PCP4: variants seen among roughly 807,000 people sequenced by gnomAD.
PCP4 encodes the protein calmodulin regulator protein PCP4.
PCP4 carries 8 observed loss-of-function variants against 10.0 expected under a neutral mutation model. The observed-to-expected ratio is 0.80, with a 90% CI of 0.47 to 1.45. The LOEUF (loss-of-function observed/expected upper bound fraction) is 1.45, where lower values mean the gene tolerates loss of function less well. Ranked by LOEUF, PCP4 falls within the 40% of genes most tolerant of loss-of-function variation. The pLI is 0.00. For missense variants in PCP4, 54 were observed against 74.4 expected (o/e 0.73, Z 1.01); for synonymous variants, 21 against 23.0 (o/e 0.91, Z 0.24).
intron 2 of PCP4, among the ~76,000 whole-genome samples, chr21:39,912,750 T>A (rs1398504583): frequency 6.6e-6 from 1 of 152,130 alleles, no homozygotes; most frequent in Non-Finnish European, 1.5e-5. Context: ...TTGCTCTGTC[T>A]CCCAGGCTGG....
At chr21:39,895,413 T>C (rs969920034) in intron 1 of PCP4, among the ~76,000 whole-genome samples, 1 of 152,270 alleles carries the variant, frequency 6.6e-6, no homozygotes, top group Non-Finnish European at 1.5e-5. Context: ...GTGGTGTTAA[T>C]GAAGTCACAT....
chr21:39,918,564 G>T (rs1163303673), intron 2 of PCP4, among the ~76,000 whole-genome samples: 1 of 152,172 alleles, frequency 6.6e-6, no homozygotes, highest in Non-Finnish European at 1.5e-5. Context: ...ACCAAAGAAG[G>T]CACTAACTTG....
At chr21:39,915,403 G>T (rs1410096934) in intron 2 of PCP4, among the ~76,000 whole-genome samples, 1 of 152,122 alleles carries the variant, frequency 6.6e-6, no homozygotes, top group East Asian at 1.9e-4. Flanking sequence ...TTATCAACTT[G>T]AAATAAAATG....
At chr21:39,870,149 G>A (rs898984589) in intron 1 of PCP4, among the ~76,000 whole-genome samples, 1 of 152,230 alleles carries the variant, frequency 6.6e-6, no homozygotes, top group Non-Finnish European at 1.5e-5. Context: ...AGGGAGCCTC[G>A]AACTGGCTTT....
At chr21:39,881,801 G>A (rs117369676) in intron 1 of PCP4, among the ~76,000 whole-genome samples, 1,848 of 152,280 alleles carry the variant, frequency 0.012, 12 homozygotes, top group Non-Finnish European at 0.018. Context: ...GAAAGGGGGC[G>A]TCCAAGTCAG....
intron 2 of PCP4, among the ~76,000 whole-genome samples, chr21:39,928,375 G>C (rs2087635073): frequency 6.6e-6 from 1 of 152,178 alleles, no homozygotes; most frequent in African/African-American, 2.4e-5. Context: ...CGTGTGAATT[G>C]GTGAAATCCC....
intron 2 of PCP4, among the ~76,000 whole-genome samples, chr21:39,912,540 TG>T (rs2087545277): frequency 6.6e-6 from 1 of 152,028 alleles, no homozygotes; most frequent in Admixed American, 6.6e-5. Context: ...CCTGGTTAAA[TG>T]GTCACATTTA....
chr21:39,917,909 C>T (rs2087576946), intron 2 of PCP4, among the ~76,000 whole-genome samples: 1 of 152,048 alleles, frequency 6.6e-6, no homozygotes, highest in Admixed American at 6.5e-5. Context: ...GGCCCTCATC[C>T]AGTCTGGCTG....
chr21:39,927,956 T>TA (rs1412519986), intron 2 of PCP4, among the ~76,000 whole-genome samples: 1 of 152,148 alleles, frequency 6.6e-6, no homozygotes, highest in Non-Finnish European at 1.5e-5. Context: ...TGCCTGTATT[T>TA]AAAAAAAGAA....
chr21:39,873,709 G>A (rs999284753), intron 1 of PCP4, among the ~76,000 whole-genome samples: 2 of 152,098 alleles, frequency 1.3e-5, no homozygotes, highest in Non-Finnish European at 2.9e-5. Context: ...GGGCCTTTGG[G>A]GTATAGATAT....
At chr21:39,903,753 A>G (rs989084761) in intron 2 of PCP4, among the ~76,000 whole-genome samples, 2 of 151,694 alleles carry the variant, frequency 1.3e-5, no homozygotes, top group African/African-American at 2.4e-5. Context: ...CTGTAGTCCC[A>G]GCTACTCGGG....
chr21:39,876,336 T>C (rs2087345599), intron 1 of PCP4, among the ~76,000 whole-genome samples: 1 of 152,152 alleles, frequency 6.6e-6, no homozygotes, highest in Admixed American at 6.5e-5. Flanking sequence ...TTGACTACTT[T>C]TGGTACCTCC....
At chr21:39,891,531 A>G (rs1179211938) in intron 1 of PCP4, among the ~76,000 whole-genome samples, 1 of 152,212 alleles carries the variant, frequency 6.6e-6, no homozygotes, top group Non-Finnish European at 1.5e-5. Context: ...TCGTGTGTGG[A>G]GACAAGAGAT....
intron 1 of PCP4, among the ~76,000 whole-genome samples, chr21:39,888,423 T>C (rs1279930120): frequency 1.3e-5 from 2 of 152,160 alleles, no homozygotes; most frequent in Non-Finnish European, 2.9e-5. Flanking sequence ...CACTGATGGA[T>C]AAGTGGGGGG....
Position 39,898,532 on chromosome 21 carries a change from G to A in PCP4, c.61+5G>A. The A allele has an allele frequency of 2.5e-6, 4 of 1,612,910 alleles. No homozygotes were observed. The highest frequency in any genetic ancestry group is 1.7e-6 in the Non-Finnish European group (2 of 1,178,878). On this transcript the variant is annotated splice_donor_5th_base_variant and intron_variant, in intron 2 of 2. Coordinates refer to ENST00000328619, the MANE Select transcript of PCP4 (RefSeq NM_006198.3). ...ACAAGACATCTGGTGAAAATGGTAAGAGGACATGAATAGTCCAAGTTCTTT... is the reference window on the plus strand; with the variant it reads ...ACAAGACATCTGGTGAAAATGGTAAAAGGACATGAATAGTCCAAGTTCTTT...
intron 1 of PCP4, among the ~76,000 whole-genome samples, chr21:39,893,051 G>T (rs1378598560): frequency 6.6e-6 from 1 of 152,130 alleles, no homozygotes; most frequent in Non-Finnish European, 1.5e-5. Context: ...GGGAGGATCA[G>T]CATTTGGTTA....
chr21:39,882,305 T>C (rs912941599), intron 1 of PCP4, among the ~76,000 whole-genome samples: 1 of 152,150 alleles, frequency 6.6e-6, no homozygotes, highest in Non-Finnish European at 1.5e-5. Flanking sequence ...AATGTGGCCA[T>C]GGTGAGAGAT....
intron 1 of PCP4, among the ~76,000 whole-genome samples, chr21:39,882,433 G>A (rs578130968): frequency 4.7e-4 from 72 of 152,270 alleles, no homozygotes; most frequent in African/African-American, 1.6e-3. Flanking sequence ...ACCCGGCATG[G>A]CATTTTACCA....
At chr21:39,868,869 A>C (rs1374054380) in intron 1 of PCP4, among the ~76,000 whole-genome samples, 1 of 152,110 alleles carries the variant, frequency 6.6e-6, no homozygotes, top group Non-Finnish European at 1.5e-5. Context: ...TGCTGAACAG[A>C]GGGGATGGCA....
Sources: allele counts gnomAD v4.1 joint callset (sites outside exome capture counted in the v4.1 genomes callset), GRCh38; gene constraint gnomAD v4.1.1; transcripts MANE v1.5; gene names NCBI Gene and HGNC (gene_info 2026-07-23, HGNC 2026-07-21).